The following EDNRB variants were observed in gnomAD, a reference collection of about 807,000 sequenced individuals.
EDNRB encodes endothelin receptor type B.
A neutral mutation model predicts 46.4 loss-of-function variants in EDNRB; 18 were observed. The ratio of observed to expected loss-of-function variants is 0.39; its 90% CI spans 0.27 to 0.57. The LOEUF is 0.57. EDNRB is among the 20% of genes least tolerant of loss of function. The pLI, the probability that EDNRB is intolerant of heterozygous loss-of-function variation, is 0.61. For missense variants in EDNRB, 434 were observed against 537.5 expected, an observed-to-expected ratio of 0.81 and a Z score of 1.90; for synonymous variants, 213 against 204.9, an observed-to-expected ratio of 1.04 and a Z score of -0.34.
At chr13:77,900,293 T>G (rs994639470) in intron 5 of EDNRB, among the ~76,000 whole-genome samples, 1 of 151,900 alleles carries the variant, frequency 6.6e-6, no homozygotes, top group Non-Finnish European at 1.5e-5. Context: ...ATTTTCCGCC[T>G]TGGCACTCAC....
upstream of EDNRB, among the ~76,000 whole-genome samples, chr13:77,924,205 AT>A (rs1429207044): frequency 6.6e-6 from 1 of 152,152 alleles, no homozygotes; most frequent in African/African-American, 2.4e-5. Flanking sequence ...TCATAAGGCG[AT>A]TTTTGCTTAT....
At chr13:77,916,487 A>G (rs1879811553) in intron 1 of EDNRB, among the ~76,000 whole-genome samples, 1 of 152,172 alleles carries the variant, frequency 6.6e-6, no homozygotes, top group Non-Finnish European at 1.5e-5. Context: ...GGATTTTAGG[A>G]TTTCTTCAAT....
intron 6 of EDNRB, 142 bp from the exon 7 acceptor site, chr13:77,898,476 A>G: frequency 8.1e-7 from 1 of 1,237,666 alleles, no homozygotes. Flanking sequence ...TTCCCTCTTA[A>G]AAGAATATAA....
Position 77,897,707 on chromosome 13 carries a change from A to G in EDNRB, c.*493T>C, listed in dbSNP as rs2137598244. 1.0e-6 allele frequency: 1 copy of G among 984,776 alleles called. No individual in the cohort carries two copies. Among genetic ancestry groups the G allele is most frequent in the Non-Finnish European group, 1.2e-6 (1 of 828,754 alleles). The allele number at this position is 984,776 out of a possible 1,614,324, so 61.0% of individuals were successfully genotyped here. On this transcript the variant is annotated 3_prime_UTR_variant, in exon 7 of 7. Transcript: ENST00000646607. ...GCTCTCTCATTTGCATCTAATTACA[A>G]TCTGATAATAGTGTGATAATATTAA...
intron 1 of EDNRB, among the ~76,000 whole-genome samples, chr13:77,946,347 A>T (rs1880915710): frequency 6.6e-6 from 1 of 152,194 alleles, no homozygotes; most frequent in African/African-American, 2.4e-5. Flanking sequence ...GAGATACGGA[A>T]GGAATGGATG....
intron 1 of EDNRB, among the ~76,000 whole-genome samples, chr13:77,944,469 T>C (rs1880844861): frequency 6.6e-6 from 1 of 152,104 alleles, no homozygotes; most frequent in Non-Finnish European, 1.5e-5. Context: ...TTTACAAGTT[T>C]TTTTTTTAAC....
intron 1 of EDNRB, among the ~76,000 whole-genome samples, chr13:77,903,877 CTT>C (rs1257184533): frequency 2.0e-5 from 3 of 151,966 alleles, no homozygotes; most frequent in African/African-American, 7.2e-5. Flanking sequence ...TCAGAGCAAA[CTT>C]GAGCCAGTCG....
At position 77,896,745 on chromosome 13, in the gene EDNRB, C is replaced by G. The variant is rs564187740; in HGVS notation, c.*1455G>C. ...GTTAGGCTAAGAATGGGAATCTGTCCCCATGGGTTTCCTCCAACCCCACCT... is the reference window on the plus strand; with the variant it reads ...GTTAGGCTAAGAATGGGAATCTGTCGCCATGGGTTTCCTCCAACCCCACCT... On this transcript the variant is annotated 3_prime_UTR_variant, in exon 7 of 7. Coordinates refer to ENST00000646607, the MANE Select transcript of EDNRB (RefSeq NM_001122659.3). 1 of 1,372,584 alleles carries G rather than the reference C, an allele frequency of 7.3e-7. No individual in the cohort carries two copies. Among genetic ancestry groups the G allele is most frequent in the African/African-American group, 1.5e-5 (1 of 67,414 alleles). The allele number at this position is 1,372,584 out of a possible 1,614,324, so 85.0% of individuals were successfully genotyped here. A position where few individuals can be genotyped will look rare whatever the true frequency, so the allele number is the denominator to read the frequency against.
At chr13:77,948,093 A>C (rs535909043) in intron 1 of EDNRB, among the ~76,000 whole-genome samples, 5 of 152,166 alleles carry the variant, frequency 3.3e-5, no homozygotes, top group African/African-American at 1.2e-4. Context: ...TCATATTCAA[A>C]CAATTTTGCC....
chr13:77,937,988 A>G (rs1329438943), intron 1 of EDNRB, among the ~76,000 whole-genome samples: 3 of 152,152 alleles, frequency 2.0e-5, no homozygotes, highest in Admixed American at 2.0e-4. Context: ...TGTAGGATGG[A>G]AAAATTGAAA....
intron 1 of EDNRB, among the ~76,000 whole-genome samples, chr13:77,927,040 T>G (rs970152013): frequency 6.6e-6 from 1 of 152,212 alleles, no homozygotes; most frequent in African/African-American, 2.4e-5. Flanking sequence ...GCCAGGTATC[T>G]CCAACAACAT....
Position 77,897,961 on chromosome 13 carries a change from A to G in EDNRB, c.*239T>C. ...AGAGCTATGTTGAAGTGCTAACTGT[A>G]AAAAATTAAGTGCTTTCACGACGAG... On this transcript the variant is annotated 3_prime_UTR_variant, in exon 7 of 7. Coordinates refer to ENST00000646607, the MANE Select transcript of EDNRB (RefSeq NM_001122659.3). 7.8e-7 allele frequency: 1 copy of G among 1,289,066 alleles called. No homozygotes were observed. The highest frequency in any genetic ancestry group is 1.6e-5 in the South Asian group (1 of 60,870). 79.9% of individuals were successfully genotyped at this position (1,289,066 alleles called of 1,614,324 possible). A position where few individuals can be genotyped will look rare whatever the true frequency, so the allele number is the denominator to read the frequency against.
intron 1 of EDNRB, among the ~76,000 whole-genome samples, chr13:77,968,932 C>T (rs1193630127): frequency 6.6e-6 from 1 of 152,178 alleles, no homozygotes; most frequent in Non-Finnish European, 1.5e-5. Context: ...TAATGAGAGA[C>T]TAACTTTCGT....
chr13:77,924,918 A>T (rs918671396), intron 1 of EDNRB, among the ~76,000 whole-genome samples: 7 of 152,138 alleles, frequency 4.6e-5, no homozygotes, highest in Non-Finnish European at 1.0e-4. Context: ...CTTGCCTTCC[A>T]CCATGATTGT....
intron 1 of EDNRB, among the ~76,000 whole-genome samples, chr13:77,963,108 A>G (rs1328228784): frequency 6.6e-6 from 1 of 152,204 alleles, no homozygotes; most frequent in Non-Finnish European, 1.5e-5. Flanking sequence ...CCACTGCTCA[A>G]CGAAATAAAA....
intron 1 of EDNRB, among the ~76,000 whole-genome samples, chr13:77,951,660 T>A (rs928813098): frequency 6.6e-6 from 1 of 152,110 alleles, no homozygotes; most frequent in African/African-American, 2.4e-5. Flanking sequence ...GTCAAACCCG[T>A]TCTTAGCCAA....
chr13:77,900,775 A>T, intron 4 of EDNRB, 121 bp from the exon 5 acceptor site: 3 of 1,395,886 alleles, frequency 2.1e-6, no homozygotes, highest in Non-Finnish European at 3.0e-6. Flanking sequence ...AAAACTCAGG[A>T]CACTGAGCTT....
Position 77,899,913 on chromosome 13 carries a change from G to A in EDNRB, c.1140C>T (p.Cys380=), listed in dbSNP as rs950443739. The change falls in exon 6 of 7, where the codon TGC becomes TGT. Residue 380 remains cysteine, a synonymous_variant. Coordinates refer to ENST00000646607, the MANE Select transcript of EDNRB (RefSeq NM_001122659.3). The stretch of plus-strand genomic sequence containing the variant: ...CCAAATACAGAGCAATTGGGTTAAT[G>A]CAGGAATTCAGTGAAGCCATGTTGA... ...IGINMASLNS[C]INPIALYLVS... is the part of the protein sequence containing the mutation. The A allele has an allele frequency of 2.5e-6, 4 of 1,611,890 alleles. No homozygotes were observed. The African/African-American group carries it at 5.3e-5, about 22-fold the overall frequency.
At chr13:77,967,431 A>G (rs1301263624) in intron 1 of EDNRB, among the ~76,000 whole-genome samples, 2 of 152,180 alleles carry the variant, frequency 1.3e-5, no homozygotes, top group African/African-American at 4.8e-5. Flanking sequence ...TTGTCTTATA[A>G]TAGTGAATAA....
Sources: allele counts gnomAD v4.1 joint callset (sites outside exome capture counted in the v4.1 genomes callset), GRCh38; gene constraint gnomAD v4.1.1; transcripts MANE v1.5; gene names NCBI Gene and HGNC (gene_info 2026-07-23, HGNC 2026-07-21).